KIF25: variants seen among roughly 807,000 people sequenced by gnomAD.
KIF25 encodes kinesin-like protein KIF25.
A neutral mutation model predicts 32.9 loss-of-function variants in KIF25; 19 were observed. That is an observed-to-expected ratio of 0.58 (90% confidence interval 0.40 to 0.85). The LOEUF is 0.85. Among genes scored for constraint, KIF25 ranks in the 40% least tolerant of loss-of-function variants. The probability of loss-of-function intolerance (pLI) is 0.00; values close to 1 mark genes in which losing one functional copy is unlikely to be tolerated. For missense variants in KIF25, 485 were observed against 507.0 expected, an observed-to-expected ratio of 0.96 and a Z score of 0.42; for synonymous variants, 225 against 213.7, an observed-to-expected ratio of 1.05 and a Z score of -0.46.
At chr6:168,000,869 G>A (rs1459907188) in intron 2 of KIF25, among the ~76,000 whole-genome samples, 3 of 152,218 alleles carry the variant, frequency 2.0e-5, no homozygotes, top group African/African-American at 7.2e-5. Context: ...GTCCAAATGA[G>A]CTTTCCCTGG....
intron 7 of KIF25, among the ~76,000 whole-genome samples, chr6:168,031,225 C>CT (rs1317393898): frequency 1.3e-5 from 2 of 152,182 alleles, no homozygotes; most frequent in Non-Finnish European, 2.9e-5. Flanking sequence ...GGACTTTTCC[C>CT]TTTGGGAATC....
At chr6:168,010,284 A>T (rs1798631300) in intron 4 of KIF25, among the ~76,000 whole-genome samples, 1 of 152,006 alleles carries the variant, frequency 6.6e-6, no homozygotes, top group African/African-American at 2.4e-5. Flanking sequence ...AGAGAATTTT[A>T]ACTTTTTTGC....
At chr6:168,022,925 C>T (rs1285520181) in intron 5 of KIF25, among the ~76,000 whole-genome samples, 2 of 151,952 alleles carry the variant, frequency 1.3e-5, no homozygotes, top group African/African-American at 4.8e-5. Context: ...GGGCTCCTTG[C>T]ATTTGGATTC....
intron 8 of KIF25, among the ~76,000 whole-genome samples, chr6:168,034,960 C>T (rs1798995243): frequency 6.6e-6 from 1 of 152,136 alleles, no homozygotes; most frequent in South Asian, 2.1e-4. Context: ...GGAGTTCGAG[C>T]TTGCATGGAT....
In KIF25 at chr6:168,044,027, C is replaced by T. The variant is rs117314385; in HGVS notation, c.986-800C>T. ...GAAAGAACAGCCCCAGGGGGCTGAG[C>T]GTCCCTCAGGGTCATGTGCAGACTC... On this transcript the variant is annotated intron_variant, in intron 12 of 12. Transcript: ENST00000643607. 9.6e-3 allele frequency among the ~76,000 whole-genome samples: 1,462 copies of T among 152,298 alleles called. 34 individuals carry two copies. Among genetic ancestry groups the T allele is most frequent in the East Asian group, 0.044 (229 of 5,162 alleles).
chr6:168,009,716 A>G (rs2516813), intron 4 of KIF25, among the ~76,000 whole-genome samples: 103,352 of 151,940 alleles, frequency 0.68, 35,596 homozygotes, highest in Non-Finnish European at 0.73. Flanking sequence ...ACTTTTCTTC[A>G]TTAGAAGACT....
At position 168,029,776 on chromosome 6, in the gene KIF25, T is replaced by A. The variant is rs1403254639; in HGVS notation, c.92+99T>A. 8 of 1,438,078 alleles carry A rather than the reference T, an allele frequency of 5.6e-6. No individual in the cohort carries two copies. In the African/African-American group the frequency reaches 1.1e-4, roughly 21 times the overall value. The allele number at this position is 1,438,078 out of a possible 1,614,324, so 89.1% of individuals were successfully genotyped here. Reference sequence around the variant, plus strand: ...TATTCTTTCTACTTTTGTATCTTGGTGTATTTTCTGAGTGAAAAGTTAAAA... The same window carrying A: ...TATTCTTTCTACTTTTGTATCTTGGAGTATTTTCTGAGTGAAAAGTTAAAA... On this transcript the variant is annotated intron_variant, in intron 6 of 12. Coordinates refer to ENST00000643607, the MANE Select transcript of KIF25 (RefSeq NM_030615.4).
chr6:168,028,634 A>G (rs973858295), intron 5 of KIF25, among the ~76,000 whole-genome samples: 1 of 152,174 alleles, frequency 6.6e-6, no homozygotes, highest in African/African-American at 2.4e-5. Context: ...ACCTGACAGC[A>G]TATATAGTAT....
intron 4 of KIF25, among the ~76,000 whole-genome samples, chr6:168,013,547 G>C (rs1043782292): frequency 6.6e-6 from 1 of 152,106 alleles, no homozygotes; most frequent in Non-Finnish European, 1.5e-5. Context: ...GGATGGCTGG[G>C]GGGTGAGCAG....
chr6:168,028,065 T>A (rs1032360399), intron 5 of KIF25, among the ~76,000 whole-genome samples: 7 of 152,130 alleles, frequency 4.6e-5, no homozygotes, highest in Admixed American at 2.0e-4. Flanking sequence ...CATGGCCGGG[T>A]GGTTTTCATT....
chr6:168,002,158 T>G (rs1798515712), intron 2 of KIF25, among the ~76,000 whole-genome samples: 2 of 87,010 alleles, frequency 2.3e-5, no homozygotes, highest in Non-Finnish European at 4.6e-5. Flanking sequence ...AGGCGTGGCC[T>G]CGGGCAGGTG....
Position 168,042,814 on chromosome 6 carries a change from C to T in KIF25, c.985+98C>T, listed in dbSNP as rs55655834. ...TGCACGTCCTCGAGGGCCACCCATGCACCCCCTGCACCTCCTGTGTCCTCG... is the reference window on the plus strand; with the variant it reads ...TGCACGTCCTCGAGGGCCACCCATGTACCCCCTGCACCTCCTGTGTCCTCG... On this transcript the variant is annotated intron_variant, in intron 12 of 12. Transcript: ENST00000643607. 6,129 of 1,338,634 alleles carry T rather than the reference C, an allele frequency of 4.6e-3. 258 individuals carry two copies. In the African/African-American group the frequency reaches 0.081, roughly 18 times the overall value. 82.9% of individuals were successfully genotyped at this position (1,338,634 alleles called of 1,614,324 possible).
chr6:168,018,624 C>A (rs1329593366), intron 5 of KIF25, among the ~76,000 whole-genome samples: 1 of 152,186 alleles, frequency 6.6e-6, no homozygotes, highest in Non-Finnish European at 1.5e-5. Flanking sequence ...CTGTCAGATG[C>A]CTTCCTCGGC....
At chr6:168,039,145 A>G (rs955408470) in intron 9 of KIF25, among the ~76,000 whole-genome samples, 4 of 152,216 alleles carry the variant, frequency 2.6e-5, no homozygotes, top group African/African-American at 4.8e-5. Context: ...TATTTTTTAC[A>G]ATCAAAATTA....
rs779892002 is a variant in KIF25 at position 168,040,225 on chromosome 6, C to T, written c.646+9C>T. On this transcript the variant is annotated intron_variant, in intron 10 of 12. Coordinates refer to ENST00000643607, the MANE Select transcript of KIF25 (RefSeq NM_030615.4). ...CTGCTCTGACAGCACTGGTAAGTCA[C>T]CATTTGTGCTTGGTCAGTGGCAAGT... 4.4e-6 allele frequency: 7 copies of T among 1,605,064 alleles called. No individual in the cohort carries two copies. In the South Asian group the frequency reaches 7.7e-5, roughly 18 times the overall value.
chr6:168,005,539 C>A (rs942470022), intron 4 of KIF25, among the ~76,000 whole-genome samples: 1 of 152,086 alleles, frequency 6.6e-6, no homozygotes, highest in South Asian at 2.1e-4. Flanking sequence ...AGGGACAGAA[C>A]GAATGGAATA....
At chr6:168,038,457 TG>T (rs1170616878) in intron 8 of KIF25, 95 bp from the exon 9 acceptor site, 1 of 1,255,458 alleles carries the variant, frequency 8.0e-7, no homozygotes, top group Non-Finnish European at 1.1e-6. Flanking sequence ...GCAGTCTTAC[TG>T]AGCATCCTGT....
chr6:168,006,758 G>A (rs1480526101), intron 4 of KIF25, among the ~76,000 whole-genome samples: 3 of 133,954 alleles, frequency 2.2e-5, no homozygotes, highest in South Asian at 2.2e-4. Context: ...TTTGTGTCAC[G>A]TTGATTACCA....
chr6:168,035,204 G>A (rs896090537), intron 8 of KIF25, among the ~76,000 whole-genome samples: 5 of 151,664 alleles, frequency 3.3e-5, no homozygotes, highest in Non-Finnish European at 7.4e-5. Flanking sequence ...CGGTGGAAGG[G>A]GGCGATGTGG....
Sources: gnomAD v4.1 joint callset for allele counts (sites outside exome capture counted in the v4.1 genomes callset) on GRCh38, gnomAD v4.1.1 for gene constraint, MANE v1.5 for transcripts, NCBI Gene and HGNC (gene_info 2026-07-23, HGNC 2026-07-21) for gene names.